Variants in TRO observed in about 807,000 individuals in gnomAD.
TRO encodes trophinin, also known as MAGE superfamily protein.
Under a neutral mutation model 42.3 loss-of-function variants are expected in TRO, and 29 were observed. The observed-to-expected ratio is 0.68, with a 90% CI of 0.51 to 0.93. The LOEUF (loss-of-function observed/expected upper bound fraction) is 0.93. Among genes scored for constraint, TRO ranks in the 40% least tolerant of loss-of-function variants. TRO has a pLI of 0.00. For synonymous variants in TRO, 384 were observed against 425.2 expected (o/e 0.90, Z 1.19); for missense variants, 963 against 1,127.7 (o/e 0.85, Z 2.09).
Position 54,928,673 on chromosome X carries a change from C to T in TRO, c.1949C>T (p.Ala650Val). Residue 650 changes from alanine (A) to valine (V), a missense_variant, in exon 12 of 13, where the codon GCA (alanine) becomes GTA (valine). Ala to Val is a moderately conservative substitution (Grantham distance 64, BLOSUM62 0). Coordinates refer to ENST00000173898, the MANE Select transcript of TRO (RefSeq NM_001039705.3). ...GCAGTGGAGATGGAAGTCCAAGCTGCAGCTGTGGCTGTGGCTGAGGCTGAA... is the reference window on the plus strand; with the variant it reads ...GCAGTGGAGATGGAAGTCCAAGCTGTAGCTGTGGCTGTGGCTGAGGCTGAA... ...REAVEMEVQA[A>V]AVAVAEAEAR... 8.3e-7 allele frequency: 1 copy of T among 1,203,009 alleles called. No homozygotes were observed. Among genetic ancestry groups the T allele is most frequent in the Non-Finnish European group, 1.1e-6 (1 of 891,118 alleles).
In TRO at chrX:54,925,528, C is replaced by A. The variant is rs1932643166; in HGVS notation, c.1486-64C>A. The A allele has an allele frequency of 5.8e-6, 6 of 1,028,365 alleles. No individual in the cohort carries two copies. In the Admixed American group the frequency reaches 1.2e-4, roughly 21 times the overall value. The allele number at this position is 1,028,365 out of a possible 1,213,427, so 84.7% of individuals were successfully genotyped here. ...AGTACACTGGGAGTTTTAGGATGCC[C>A]GGAAAGTTCACTGATACCTAAGCTG... On this transcript the variant is annotated intron_variant, in intron 6 of 12. Coordinates refer to ENST00000173898, the MANE Select transcript of TRO (RefSeq NM_001039705.3).
At position 54,923,232 on chromosome X, in the gene TRO, A is replaced by G. The variant is rs1602132479; in HGVS notation, c.700A>G (p.Thr234Ala). Reference sequence around the variant, plus strand: ...TGCAACTGCCACCCATACAGCTACCACCCAAGGCCAAATTACCAATGAGAC... The same window carrying G: ...TGCAACTGCCACCCATACAGCTACCGCCCAAGGCCAAATTACCAATGAGAC... ...LAATATHTAT[T>A]QGQITNETAS... Residue 234 changes from threonine to alanine, a missense_variant, in exon 3 of 13, where the codon ACC becomes GCC. Around this residue, in one of 2 missense-constraint regions of TRO, gnomAD observed 322 missense variants for 316.5 expected, o/e 1.02. Coordinates refer to ENST00000173898, the MANE Select transcript of TRO (RefSeq NM_001039705.3). 2 of 1,211,225 alleles carry G rather than the reference A, an allele frequency of 1.7e-6. No homozygotes were observed. Among genetic ancestry groups the G allele is most frequent in the South Asian group, 3.5e-5 (2 of 56,891 alleles).
At chrX:54,921,812 A>G (rs1412023594) in intron 1 of TRO, among the ~76,000 whole-genome samples, 1 of 109,620 alleles carries the variant, frequency 9.1e-6, no homozygotes, top group East Asian at 2.9e-4. Context: ...GGTGGCGCCA[A>G]GATGTTCTGT....
rs373049842 is a variant in TRO, at chrX:54,923,192, C to T, written c.660C>T (p.Thr220=). 2.6e-5 allele frequency: 32 copies of T among 1,209,762 alleles called. No individual in the cohort carries two copies. In the African/African-American group the frequency reaches 3.7e-4, roughly 14 times the overall value. ...KAANKAIASA[T]EVSLAATATH... Reference sequence around the variant, plus strand: ...CAAATAAGGCCATAGCTAGTGCCACCGAGGTCTCGCTGGCTGCAACTGCCA... The same window carrying T: ...CAAATAAGGCCATAGCTAGTGCCACTGAGGTCTCGCTGGCTGCAACTGCCA... The change falls in exon 3 of 13, where the codon ACC becomes ACT. Residue 220 remains threonine (T), a synonymous_variant. Coordinates refer to ENST00000173898, the MANE Select transcript of TRO (RefSeq NM_001039705.3).
At chrX:54,926,267 G>T in intron 7 of TRO, 143 bp from the exon 8 acceptor site, 1 of 562,592 alleles carries the variant, frequency 1.8e-6, no homozygotes, top group East Asian at 3.6e-5. Context: ...CAGAGACTGG[G>T]CAGAATTCTG....
intron 1 of TRO, 141 bp from the exon 2 acceptor site, chrX:54,922,062 G>A: frequency 4.6e-6 from 2 of 435,460 alleles, no homozygotes; most frequent in Non-Finnish European, 7.7e-6. Context: ...CTGGGCCTTG[G>A]AAACCAGATG....
In TRO at chrX:54,922,607, G is replaced by C; in HGVS notation, c.75G>C (p.Gly25=). The C allele has an allele frequency of 8.3e-7, 1 of 1,210,360 alleles. No homozygotes were observed. The highest frequency in any genetic ancestry group is 1.1e-6 in the Non-Finnish European group (1 of 894,838). Reference sequence around the variant, plus strand: ...CTCTGCCTCCCCCGGGGAGCCTGGGGCTTCCCTTCCCTCCAGATATACAGA... The same window carrying C: ...CTCTGCCTCCCCCGGGGAGCCTGGGCCTTCCCTTCCCTCCAGATATACAGA... The part of the protein sequence containing the change: ...QGPLPPPGSL[G]LPFPPDIQTE... The change falls in exon 3 of 13, where the codon GGG becomes GGC. Residue 25 remains glycine, a synonymous_variant. Coordinates refer to ENST00000173898, the MANE Select transcript of TRO (RefSeq NM_001039705.3).
chrX:54,931,367 T>C lies in TRO; in HGVS notation c.*175T>C. 8.4e-7 allele frequency: 1 copy of C among 1,191,361 alleles called. No homozygotes were observed. On this transcript the variant is annotated 3_prime_UTR_variant, in exon 13 of 13. Coordinates refer to ENST00000173898, the MANE Select transcript of TRO (RefSeq NM_001039705.3). ...AAAAATCTGTTTGCTGTTCCTGCTT[T>C]ATTGTTTGCTTTCTGTGTGCTGTCA...
At position 54,931,392 on chromosome X, in the gene TRO, A is replaced by G. The variant is rs1425620761; in HGVS notation, c.*200A>G. ...TATTGTTTGCTTTCTGTGTGCTGTCATATTTTGGTATCAGAGTTACATTAA... is the reference window on the plus strand; with the variant it reads ...TATTGTTTGCTTTCTGTGTGCTGTCGTATTTTGGTATCAGAGTTACATTAA... On this transcript the variant is annotated 3_prime_UTR_variant, in exon 13 of 13. Transcript: ENST00000173898. The G allele has an allele frequency of 2.6e-6, 3 of 1,143,531 alleles. No individual in the cohort carries two copies. The highest frequency in any genetic ancestry group is 3.6e-6 in the Non-Finnish European group (3 of 838,952). The allele number at this position is 1,143,531 out of a possible 1,213,427, so 94.2% of individuals were successfully genotyped here.
chrX:54,929,545 G>T lies in TRO; in HGVS notation c.2821G>T (p.Gly941Cys). 8.3e-7 allele frequency: 1 copy of T among 1,211,852 alleles called. No homozygotes were observed. The highest frequency in any genetic ancestry group is 1.7e-5 in the African/African-American group (1 of 57,822). Reference sequence around the variant, plus strand: ...ACTTAGCACCAGTGTCTCCTTTGGTGGCTCTTCCAGCACCAGTGCCAATTT... The same window carrying T: ...ACTTAGCACCAGTGTCTCCTTTGGTTGCTCTTCCAGCACCAGTGCCAATTT... ...GTLSTSVSFG[G>C]SSSTSANFGG... Residue 941 changes from glycine (G) to cysteine (C), a missense_variant, in exon 12 of 13, where the codon GGC (glycine) becomes TGC (cysteine). Physicochemically the swap from Gly to Cys is radical, Grantham distance 159. Transcript: ENST00000173898.
At position 54,930,638 on chromosome X, in the gene TRO, C is replaced by G; in HGVS notation, c.3914C>G (p.Thr1305Ser). 8.3e-7 allele frequency: 1 copy of G among 1,210,622 alleles called. No homozygotes were observed. Among genetic ancestry groups the G allele is most frequent in the Non-Finnish European group, 1.1e-6 (1 of 894,718 alleles). The stretch of plus-strand genomic sequence containing the variant: ...GCTAGTTTCGGCAGCACACTTGGCA[C>G]CAGTGCTGGCTTTAGTGGTGGCCTC... ...TNASFGSTLG[T>S]SAGFSGGLST... The change falls in exon 12 of 13, where the codon ACC becomes AGC. Residue 1305 changes from threonine to serine, a missense_variant. Physicochemically the swap from Thr to Ser is moderately conservative, Grantham distance 58. This residue lies in a region of TRO where 641 missense variants were observed against 811.3 expected (regional missense o/e 0.79). Transcript: ENST00000173898.
rs752863578 is a variant in TRO, at chrX:54,922,855, A to G, written c.323A>G (p.Asn108Ser). The change falls in exon 3 of 13, where the codon AAC becomes AGC. Residue 108 changes from asparagine (N) to serine (S), a missense_variant. Asn to Ser is a conservative substitution (Grantham distance 46). This residue lies in a region of TRO where 322 missense variants were observed against 316.5 expected (regional missense o/e 1.02). Transcript: ENST00000173898. ...CCCAAAATAACTTGGCAGGCTTTAA[A>G]CCTGCCAGTCATTACCCAGATCAGC... ...NKPKITWQAL[N>S]LPVITQISQA... 8.3e-7 allele frequency: 1 copy of G among 1,209,109 alleles called. No individual in the cohort carries two copies. The highest frequency in any genetic ancestry group is 1.1e-6 in the Non-Finnish European group (1 of 894,745).
At chrX:54,925,721 T>C (rs757138321) in intron 7 of TRO, 38 bp downstream of exon 7, 2 of 1,080,178 alleles carry the variant, frequency 1.9e-6, no homozygotes, top group Non-Finnish European at 2.6e-6. Context: ...AGGAAGCTTC[T>C]GCTTTTATCT....
intron 9 of TRO, 125 bp downstream of exon 9, chrX:54,926,750 C>T (rs937353696): frequency 5.6e-6 from 6 of 1,068,332 alleles, no homozygotes; most frequent in Non-Finnish European, 7.6e-6. Flanking sequence ...GTAGAGGGCC[C>T]AGGGTTCTGA....
chrX:54,925,761 C>G, intron 7 of TRO, 78 bp downstream of exon 7: 1 of 881,610 alleles, frequency 1.1e-6, no homozygotes, highest in South Asian at 2.3e-5. Flanking sequence ...GTCCTACTTC[C>G]CCCATCCTCT....
In TRO at chrX:54,923,688, G is replaced by A. The variant is rs1602134789; in HGVS notation, c.1156G>A (p.Val386Ile). The change falls in exon 3 of 13, where the codon GTC becomes ATC. Residue 386 changes from valine to isoleucine, a missense_variant. Physicochemically the swap from Val to Ile is conservative, Grantham distance 29. Coordinates refer to ENST00000173898, the MANE Select transcript of TRO (RefSeq NM_001039705.3). ...CCTTGAGACTCAGGTTGCTGCTGCT[G>A]TCCAGGCCCTGGCAGATGACTATCT... ...SALETQVAAA[V>I]QALADDYLAQ... is the part of the protein sequence containing the mutation. The A allele has an allele frequency of 2.5e-6, 3 of 1,211,565 alleles. No individual in the cohort carries two copies. The highest frequency in any genetic ancestry group is 3.4e-6 in the Non-Finnish European group (3 of 895,307).
rs1345202848 is a variant in TRO, at chrX:54,929,095, G to C, written c.2371G>C (p.Ala791Pro). 8.2e-7 allele frequency: 1 copy of C among 1,212,328 alleles called. No individual in the cohort carries two copies. Among genetic ancestry groups the C allele is most frequent in the South Asian group, 1.8e-5 (1 of 57,039 alleles). Reference protein sequence around the residue: ...LSTSSSFSSAASISFGCAHST... With the variant: ...LSTSSSFSSAPSISFGCAHST... ...CACTAGCTCCAGCTTCAGCAGCGCA[G>C]CCAGCATTAGCTTTGGTTGTGCACA... The change falls in exon 12 of 13, where the codon GCC (alanine) becomes CCC (proline). Residue 791 changes from alanine (A) to proline (P), a missense_variant. This residue lies in a region of TRO where 641 missense variants were observed against 811.3 expected (regional missense o/e 0.79). Coordinates refer to ENST00000173898, the MANE Select transcript of TRO (RefSeq NM_001039705.3).
chrX:54,922,316 A>G, intron 2 of TRO, 25 bp downstream of exon 2: 1 of 1,201,185 alleles, frequency 8.3e-7, no homozygotes, highest in Non-Finnish European at 1.1e-6. Flanking sequence ...CATTCTCTCT[A>G]GGCCATCTGC....
Position 54,923,235 on chromosome X carries a change from C to A in TRO, c.703C>A (p.Gln235Lys). Residue 235 changes from glutamine (Q) to lysine (K), a missense_variant, in exon 3 of 13, where the codon CAA (glutamine) becomes AAA (lysine). Gln to Lys is a moderately conservative substitution (Grantham distance 53). Coordinates refer to ENST00000173898, the MANE Select transcript of TRO (RefSeq NM_001039705.3). ...AATATHTATTQGQITNETASI... is the reference protein window; with the variant it reads ...AATATHTATTKGQITNETASI... ...AACTGCCACCCATACAGCTACCACCCAAGGCCAAATTACCAATGAGACAGC... is the reference window on the plus strand; with the variant it reads ...AACTGCCACCCATACAGCTACCACCAAAGGCCAAATTACCAATGAGACAGC... 2 of 1,211,816 alleles carry A rather than the reference C, an allele frequency of 1.7e-6. No homozygotes were observed.
Sources: gnomAD v4.1 joint callset for allele counts (sites outside exome capture counted in the v4.1 genomes callset) on GRCh38, gnomAD v4.1.1 for gene constraint, gnomAD v4.1.1 regional missense constraint, MANE v1.5 for transcripts, NCBI Gene and HGNC (gene_info 2026-07-23, HGNC 2026-07-21) for gene names.